Variants in NELL2 observed in about 807,000 individuals in gnomAD.
NELL2 encodes neural EGFL like 2.
A neutral mutation model predicts 109.6 loss-of-function variants in NELL2; 41 were observed. The ratio of observed to expected loss-of-function variants is 0.37; its 90% CI spans 0.29 to 0.49. The LOEUF (loss-of-function observed/expected upper bound fraction) is 0.49, where lower values mean the gene tolerates loss of function less well. Among genes scored for constraint, NELL2 ranks in the 20% least tolerant of loss-of-function variants. NELL2 has a pLI of 0.98. For missense variants in NELL2, 900 were observed against 1,008.3 expected (o/e 0.89, Z 1.45); for synonymous variants, 355 against 344.7 (o/e 1.03, Z -0.33).
intron 19 of NELL2, among the ~76,000 whole-genome samples, chr12:44,514,250 T>C (rs1941146851): frequency 6.6e-6 from 1 of 151,784 alleles, no homozygotes; most frequent in East Asian, 1.9e-4. Context: ...ACACCTGCAA[T>C]AAGGAAAATG....
At chr12:44,777,884 A>G (rs937732806) in intron 5 of NELL2, among the ~76,000 whole-genome samples, 1 of 152,234 alleles carries the variant, frequency 6.6e-6, no homozygotes, top group African/African-American at 2.4e-5. Flanking sequence ...GTTTAAAATG[A>G]AAATTTTTTA....
chr12:44,633,738 G>A (rs1946537246), intron 13 of NELL2, among the ~76,000 whole-genome samples: 1 of 152,052 alleles, frequency 6.6e-6, no homozygotes, highest in Non-Finnish European at 1.5e-5. Flanking sequence ...CCCCTAATAT[G>A]ATAACACATT....
chr12:44,913,853 C>A (rs61930987), exon 1 of NELL2: 2 of 735,434 alleles, frequency 2.7e-6, no homozygotes, highest in South Asian at 1.8e-5. Context: ...ATAATAATGT[C>A]TAAAAGGTTC....
chr12:44,717,788 C>T (rs1200745127), intron 9 of NELL2, among the ~76,000 whole-genome samples: 2 of 152,122 alleles, frequency 1.3e-5, no homozygotes, highest in African/African-American at 4.8e-5. Flanking sequence ...ACATAGCCAA[C>T]CTTCTCTCCT....
chr12:44,532,556 T>C, intron 16 of NELL2, 25 bp downstream of exon 16: 1 of 1,601,080 alleles, frequency 6.2e-7, no homozygotes, highest in Non-Finnish European at 8.5e-7. Flanking sequence ...AGTTCTTAAA[T>C]TCTAGGTCTT....
chr12:44,709,209 CT>C (rs1938055823), intron 11 of NELL2, among the ~76,000 whole-genome samples: 1 of 152,108 alleles, frequency 6.6e-6, no homozygotes, highest in Non-Finnish European at 1.5e-5. Context: ...ATTTCCCCTT[CT>C]CTTGAATGTG....
chr12:44,685,001 T>C (rs1948666120), intron 12 of NELL2, among the ~76,000 whole-genome samples: 1 of 152,092 alleles, frequency 6.6e-6, no homozygotes. Flanking sequence ...TTGATCTGTC[T>C]AATGTTGACA....
intron 15 of NELL2, among the ~76,000 whole-genome samples, chr12:44,574,917 T>C (rs986814128): frequency 6.6e-6 from 1 of 152,204 alleles, no homozygotes; most frequent in Non-Finnish European, 1.5e-5. Context: ...TTTACTTTCC[T>C]CCTTAAGACA....
At chr12:44,860,972 C>T (rs575241439) in intron 2 of NELL2, among the ~76,000 whole-genome samples, 4 of 152,128 alleles carry the variant, frequency 2.6e-5, no homozygotes, top group African/African-American at 4.8e-5. Context: ...TACCAAGAAC[C>T]ACACATTAGA....
At chr12:44,876,545 C>T, upstream of NELL2, 1 of 1,453,232 alleles carries the variant, frequency 6.9e-7, no homozygotes, top group Non-Finnish European at 9.2e-7. Flanking sequence ...ATGCCAACCT[C>T]CTTTCGGGAT....
chr12:44,851,746 A>C (rs1233530910), intron 2 of NELL2: 1 of 152,134 alleles, frequency 6.6e-6, no homozygotes, highest in Non-Finnish European at 1.5e-5. Context: ...ATGATGTGCC[A>C]TGTGCGAAAT....
chr12:44,624,088 A>G (rs989552310), intron 13 of NELL2, among the ~76,000 whole-genome samples: 2 of 152,138 alleles, frequency 1.3e-5, no homozygotes, highest in African/African-American at 4.8e-5. Flanking sequence ...TACCCATGTA[A>G]CAAAACTGCA....
intron 2 of NELL2, among the ~76,000 whole-genome samples, chr12:44,825,993 G>A (rs901869198): frequency 2.0e-4 from 30 of 151,850 alleles, no homozygotes; most frequent in African/African-American, 7.3e-4. Context: ...AGTGAGCCGA[G>A]ATCGCGCCAT....
rs1180129986 is a variant in NELL2 at position 44,644,608 on chromosome 12, G to GTATATATATATA, written c.1444+20864_1444+20875dup. ...TATATATATATATATATATATGTAT[G>GTATATATATATA]TATATATATATATATATACATACAT... is the stretch of plus-strand genomic sequence containing the variant. On this transcript the variant is annotated intron_variant, in intron 13 of 19. Transcript: ENST00000429094. Among the ~76,000 whole-genome samples, 222 of 90,730 alleles carry GTATATATATATA rather than the reference G, an allele frequency of 2.4e-3. 2 individuals carry two copies. The highest frequency in any genetic ancestry group is 8.6e-3 in the South Asian group (23 of 2,676). 59.5% of individuals were successfully genotyped at this position (90,730 alleles called of 152,430 possible).
Position 44,873,423 on chromosome 12 carries a change from A to ACCAGGAAAAGTTATCGATTCCTGAGACT in NELL2, c.184+1774_184+1801dup, listed in dbSNP as rs1454864920. Among the ~76,000 whole-genome samples the ACCAGGAAAAGTTATCGATTCCTGAGACT allele has an allele frequency of 7.2e-5, 11 of 152,282 alleles. No homozygotes were observed. The East Asian group carries it at 1.9e-3, about 27-fold the overall frequency. On this transcript the variant is annotated intron_variant, in intron 2 of 19. Coordinates refer to ENST00000429094, the MANE Select transcript of NELL2 (RefSeq NM_001145108.2). ...ATGAATAACTAAACATTTTTAATTA[A>ACCAGGAAAAGTTATCGATTCCTGAGACT]CCAGGAAAAGTTATCGATTCCTGAG...
At chr12:44,702,147 A>C (rs1260628353) in intron 12 of NELL2, among the ~76,000 whole-genome samples, 1 of 152,080 alleles carries the variant, frequency 6.6e-6, no homozygotes, top group Non-Finnish European at 1.5e-5. Flanking sequence ...CCAGAGGTTG[A>C]CCACTCTGAA....
rs575641405 is a variant in NELL2 at position 44,569,793 on chromosome 12, G to A, written c.1664-37072C>T. Among the ~76,000 whole-genome samples, 5 of 152,224 alleles carry A rather than the reference G, an allele frequency of 3.3e-5. No homozygotes were observed. The East Asian group carries it at 9.7e-4, about 29-fold the overall frequency. On this transcript the variant is annotated intron_variant, in intron 15 of 19. Transcript: ENST00000429094. ...TATGAGAAGATATCTATTATATTCAGAGAGGTCTTTGATTATCACTATACT... is the reference window on the plus strand; with the variant it reads ...TATGAGAAGATATCTATTATATTCAAAGAGGTCTTTGATTATCACTATACT...
chr12:44,719,941 G>A (rs925548275), intron 9 of NELL2, among the ~76,000 whole-genome samples: 2 of 152,102 alleles, frequency 1.3e-5, no homozygotes, highest in Admixed American at 1.3e-4. Context: ...GGCAGGCTAA[G>A]ATTCTGCAAA....
At chr12:44,644,623 T>TAC (rs35033058) in intron 13 of NELL2, among the ~76,000 whole-genome samples, 182 of 78,832 alleles carry the variant, frequency 2.3e-3, no homozygotes, top group African/African-American at 6.9e-3. Flanking sequence ...TATATATATA[T>TAC]ATACATACAT....
Sources: allele counts gnomAD v4.1 joint callset (sites outside exome capture counted in the v4.1 genomes callset), GRCh38; gene constraint gnomAD v4.1.1; transcripts MANE v1.5; gene names NCBI Gene and HGNC (gene_info 2026-07-23, HGNC 2026-07-21).